GRIN2C: variants seen among roughly 807,000 people sequenced by gnomAD.
GRIN2C encodes glutamate ionotropic receptor NMDA type subunit 2C.
GRIN2C carries 64 observed loss-of-function variants against 77.7 expected under a neutral mutation model. The observed-to-expected ratio is 0.82, with a 90% CI of 0.67 to 1.01. The LOEUF is 1.01. Ranked by LOEUF, GRIN2C falls within the 50% of genes least tolerant of loss-of-function variation. The probability of loss-of-function intolerance (pLI) is 0.00; values close to 1 mark genes in which losing one functional copy is unlikely to be tolerated. For missense variants in GRIN2C, 1,549 were observed against 1,486.0 expected, an observed-to-expected ratio of 1.04 and a Z score of -0.70; for synonymous variants, 792 against 643.4, an observed-to-expected ratio of 1.23 and a Z score of -3.49.
rs941437390 is a variant in GRIN2C, at chr17:74,846,561, T to G, written c.2162+199A>C. ...CCTCAGGCTGAGGCTGAACTTTGAT[T>G]GGCACCACAGCTGTGTTCTGAGACA... is the stretch of plus-strand genomic sequence containing the variant. On this transcript the variant is annotated intron_variant, in intron 10 of 12. Transcript: ENST00000293190. This position sits in a 1 kb window ranked among gnomAD's most constrained non-coding sequence, Gnocchi z 4.4. 6.6e-6 allele frequency among the ~76,000 whole-genome samples: 1 copy of G among 151,514 alleles called. No individual in the cohort carries two copies. Among genetic ancestry groups the G allele is most frequent in the Non-Finnish European group, 1.5e-5 (1 of 67,690 alleles).
At chr17:74,860,028 TCCC>T (rs2037916484), upstream of GRIN2C, among the ~76,000 whole-genome samples, 1 of 133,416 alleles carries the variant, frequency 7.5e-6, no homozygotes, top group African/African-American at 2.7e-5. Context: ...CCACCCCCAC[TCCC>T]CCAAGCTGGG....
At position 74,846,734 on chromosome 17, in the gene GRIN2C, CAG is replaced by C; in HGVS notation, c.2162+24_2162+25del. ...CACTGGGGAGACACACGGATGAAGA[CAG>C]CGGGTGCAGGGCTGGGGACCCACCC... is the stretch of plus-strand genomic sequence containing the variant. On this transcript the variant is annotated intron_variant, in intron 10 of 12. Transcript: ENST00000293190. The surrounding 1 kb of genome is among the most constrained non-coding windows in gnomAD (Gnocchi z 4.4). 6.2e-7 allele frequency: 1 copy of C among 1,606,028 alleles called. No homozygotes were observed. The highest frequency in any genetic ancestry group is 8.5e-7 in the Non-Finnish European group (1 of 1,175,344).
rs1220448775 is a variant in GRIN2C, at chr17:74,850,939, G to A, written c.1114-172C>T. On this transcript the variant is annotated intron_variant, in intron 4 of 12. Coordinates refer to ENST00000293190, the MANE Select transcript of GRIN2C (RefSeq NM_000835.6). This position sits in a 1 kb window ranked among gnomAD's most constrained non-coding sequence, Gnocchi z 5.3. Reference sequence around the variant, plus strand: ...AGCCTCGGGTCCCTGTGTTCATACAGCTCCACACTGACCCACAGCATCTTC... The same window carrying A: ...AGCCTCGGGTCCCTGTGTTCATACAACTCCACACTGACCCACAGCATCTTC... 1 of 617,810 alleles carries A rather than the reference G, an allele frequency of 1.6e-6. No homozygotes were observed. Among genetic ancestry groups the A allele is most frequent in the Non-Finnish European group, 2.9e-6 (1 of 344,442 alleles). The allele number at this position is 617,810 out of a possible 1,614,324, so 38.3% of individuals were successfully genotyped here.
chr17:74,860,773 G>A (rs971686255), upstream of GRIN2C: 5 of 340,468 alleles, frequency 1.5e-5, no homozygotes, highest in Non-Finnish European at 2.9e-5. Flanking sequence ...CTCCCAGGTC[G>A]CAGGAAGGAG....
intron 1 of GRIN2C, 52 bp from the exon 2 acceptor site, chr17:74,855,159 G>A (rs2037786054): frequency 1.4e-6 from 2 of 1,418,216 alleles, no homozygotes; most frequent in Non-Finnish European, 1.9e-6. Flanking sequence ...TTTGGAGAGA[G>A]GCAGATGGAC....
Position 74,854,772 on chromosome 17 carries a change from G to T in GRIN2C, c.321C>A (p.Ile107=). The T allele has an allele frequency of 6.2e-7, 1 of 1,613,782 alleles. No individual in the cohort carries two copies. Among genetic ancestry groups the T allele is most frequent in the Non-Finnish European group, 8.5e-7 (1 of 1,179,718 alleles). Residue 107 remains isoleucine, a synonymous_variant, in exon 2 of 13, where the codon ATC becomes ATA. Coordinates refer to ENST00000293190, the MANE Select transcript of GRIN2C (RefSeq NM_000835.6). ...GGGTCTGGGAGGAGATGAAGTCAAGGATCTGGGCCACCGCCTCGGTGTCCA... is the reference window on the plus strand; with the variant it reads ...GGGTCTGGGAGGAGATGAAGTCAAGTATCTGGGCCACCGCCTCGGTGTCCA... The part of the protein sequence containing the change: ...DNVDTEAVAQ[I]LDFISSQTHV...
intron 2 of GRIN2C, 145 bp downstream of exon 2, chr17:74,854,549 C>T (rs1170910717): frequency 1.6e-6 from 1 of 631,276 alleles, no homozygotes; most frequent in Non-Finnish European, 2.8e-6. Context: ...ATTCCCATAA[C>T]CATCTCCCCA....
In GRIN2C at chr17:74,854,934, C is replaced by G; in HGVS notation, c.159G>C (p.Gln53His). The part of the protein sequence containing the change: ...QAQFRARLTP[Q>H]SFLDLPLEIQ... The stretch of plus-strand genomic sequence containing the variant: ...TCTCCAGGGGTAGGTCCAGGAAGCT[C>G]TGGGGGGTGAGGCGGGCACGGAACT... Residue 53 changes from glutamine (Q) to histidine (H), a missense_variant, in exon 2 of 13, where the codon CAG becomes CAC. Around this residue, in one of 3 missense-constraint regions of GRIN2C, gnomAD observed 382 missense variants for 360.0 expected, o/e 1.06. Transcript: ENST00000293190. 1 of 1,613,582 alleles carries G rather than the reference C, an allele frequency of 6.2e-7. No homozygotes were observed. The highest frequency in any genetic ancestry group is 1.1e-5 in the South Asian group (1 of 91,046).
At chr17:74,853,870 C>G (rs1463095933) in intron 2 of GRIN2C, 2 of 152,278 alleles carry the variant, frequency 1.3e-5, no homozygotes, top group Non-Finnish European at 1.5e-5. Flanking sequence ...AGGGCTAAGG[C>G]AGGCACAGAC....
rs748832140 is a variant in GRIN2C, at chr17:74,850,186, G to A, written c.1491+20C>T. The A allele has an allele frequency of 3.1e-6, 5 of 1,612,056 alleles. No individual in the cohort carries two copies. The Middle Eastern group carries it at 4.9e-4, about 160-fold the overall frequency. ...GGTGGGCAGGCAGGGCAGGTGAGGAGGGAGTGGGGTGGGGCCTACCTCCCC... is the reference window on the plus strand; with the variant it reads ...GGTGGGCAGGCAGGGCAGGTGAGGAAGGAGTGGGGTGGGGCCTACCTCCCC... On this transcript the variant is annotated intron_variant, in intron 6 of 12. Transcript: ENST00000293190. The surrounding 1 kb of genome is among the most constrained non-coding windows in gnomAD (Gnocchi z 5.3).
chr17:74,843,293 G>A lies in GRIN2C; in HGVS notation c.2844C>T (p.Thr948=), dbSNP rs367702091. 52 of 1,192,350 alleles carry A rather than the reference G, an allele frequency of 4.4e-5. No individual in the cohort carries two copies. The highest frequency in any genetic ancestry group is 5.7e-5 in the Non-Finnish European group (50 of 876,658). 73.9% of individuals were successfully genotyped at this position (1,192,350 alleles called of 1,614,324 possible). ...GGCTCGGCTCTGGGGGCGGGTCGGG[G>A]GTGGGCAGGCATGGGCTGGGGCCAG... ...PRSGPSPCLP[T]PDPPPEPSPT... The change falls in exon 13 of 13, where the codon ACC becomes ACT. Residue 948 remains threonine (T), a synonymous_variant. Coordinates refer to ENST00000293190, the MANE Select transcript of GRIN2C (RefSeq NM_000835.6).
chr17:74,842,235 G>A lies in GRIN2C; in HGVS notation c.*200C>T. On this transcript the variant is annotated 3_prime_UTR_variant, in exon 13 of 13. Coordinates refer to ENST00000293190, the MANE Select transcript of GRIN2C (RefSeq NM_000835.6). ...CTCCTGGCAGAACTCTGCGTGAGAA[G>A]AGGACAGCAAAAGCCCAGCCCTCAC... The A allele has an allele frequency of 1.8e-6, 1 of 545,698 alleles. No individual in the cohort carries two copies. Among genetic ancestry groups the A allele is most frequent in the Non-Finnish European group, 3.2e-6 (1 of 310,710 alleles). The allele number at this position is 545,698 out of a possible 1,614,324, so 33.8% of individuals were successfully genotyped here.
chr17:74,853,519 TTTA>T (rs1422552363), intron 2 of GRIN2C: 2 of 152,202 alleles, frequency 1.3e-5, no homozygotes, highest in Admixed American at 6.5e-5. Context: ...TGAAGGAGTT[TTTA>T]TTATTTTTTA....
Position 74,846,328 on chromosome 17 carries a change from G to T in GRIN2C, c.2163-75C>A. ...GACACCGAAACTGGGGCGTGACAGG[G>T]GTCTAAACCACATGAGCCTGCTGGG... On this transcript the variant is annotated intron_variant, in intron 10 of 12. Transcript: ENST00000293190. The surrounding 1 kb of genome is among the most constrained non-coding windows in gnomAD (Gnocchi z 4.4). 2 of 1,324,840 alleles carry T rather than the reference G, an allele frequency of 1.5e-6. No individual in the cohort carries two copies. The highest frequency in any genetic ancestry group is 2.1e-6 in the Non-Finnish European group (2 of 931,610). The allele number at this position is 1,324,840 out of a possible 1,614,324, so 82.1% of individuals were successfully genotyped here.
Position 74,842,182 on chromosome 17 carries a change from C to T in GRIN2C, c.*253G>A. ...TGGCTAGCCCCAGGGAAGGGAGAGC[C>T]TCAGGAGTCTGACCCCCACAGCACA... On this transcript the variant is annotated 3_prime_UTR_variant, in exon 13 of 13. Coordinates refer to ENST00000293190, the MANE Select transcript of GRIN2C (RefSeq NM_000835.6). 2.1e-6 allele frequency: 1 copy of T among 471,724 alleles called. No homozygotes were observed. Among genetic ancestry groups the T allele is most frequent in the Non-Finnish European group, 3.7e-6 (1 of 267,662 alleles). 29.2% of individuals were successfully genotyped at this position (471,724 alleles called of 1,614,324 possible).
chr17:74,846,979 GC>G lies in GRIN2C; in HGVS notation c.2002-60del, dbSNP rs1275029527. Reference sequence around the variant, plus strand: ...TTCCTCCAGCCTTCCAGGCACCAAAGCCCCAAACCCACCCCAGAGCCCAGCC... The same window carrying G: ...TTCCTCCAGCCTTCCAGGCACCAAAGCCCAAACCCACCCCAGAGCCCAGCC... On this transcript the variant is annotated intron_variant, in intron 9 of 12. Coordinates refer to ENST00000293190, the MANE Select transcript of GRIN2C (RefSeq NM_000835.6). This position sits in a 1 kb window ranked among gnomAD's most constrained non-coding sequence, Gnocchi z 4.4. The G allele has an allele frequency of 1.2e-5, 18 of 1,551,268 alleles. No homozygotes were observed. The highest frequency in any genetic ancestry group is 1.6e-5 in the Non-Finnish European group (18 of 1,144,250).
In GRIN2C at chr17:74,852,371, G is replaced by T; in HGVS notation, c.640C>A (p.Arg214Ser). Reference sequence around the variant, plus strand: ...GGCGCGTCGAGCTGGCGCAGCAGGCGCTGCGTGCGCGCGCGCGGCCCTCCC... The same window carrying T: ...GGCGCGTCGAGCTGGCGCAGCAGGCTCTGCGTGCGCGCGCGCGGCCCTCCC... ...GPGGPRARTQ[R>S]LLRQLDAPVF... Residue 214 changes from arginine (R) to serine (S), a missense_variant, in exon 3 of 13, where the codon CGC (arginine) becomes AGC (serine). Coordinates refer to ENST00000293190, the MANE Select transcript of GRIN2C (RefSeq NM_000835.6). 1 of 1,444,228 alleles carries T rather than the reference G, an allele frequency of 6.9e-7. No individual in the cohort carries two copies. Among genetic ancestry groups the T allele is most frequent in the African/African-American group, 1.5e-5 (1 of 67,032 alleles). 89.5% of individuals were successfully genotyped at this position (1,444,228 alleles called of 1,614,324 possible). A position where few individuals can be genotyped will look rare whatever the true frequency, so the allele number is the denominator to read the frequency against.
rs1598488551 is a variant in GRIN2C, at chr17:74,852,404, G to C, written c.607C>G (p.Leu203Val). 4 of 1,490,288 alleles carry C rather than the reference G, an allele frequency of 2.7e-6. No homozygotes were observed. In the East Asian group the frequency reaches 1.1e-4, roughly 41 times the overall value. 92.3% of individuals were successfully genotyped at this position (1,490,288 alleles called of 1,614,324 possible). ...CGCGCGCGCGGCCCTCCCGGGCCCA[G>C]CTCCAGCGTGACCACGTCCAGCAGC... ...WRLLDVVTLE[L>V]GPGGPRARTQ... The change falls in exon 3 of 13, where the codon CTG becomes GTG. Residue 203 changes from leucine to valine, a missense_variant. Transcript: ENST00000293190.
At position 74,844,038 on chromosome 17, in the gene GRIN2C, TAA is replaced by T. The variant is rs2037383590; in HGVS notation, c.2583+236_2583+237del. The T allele has an allele frequency of 1.4e-5, 11 of 775,874 alleles. No individual in the cohort carries two copies. In the South Asian group the frequency reaches 2.2e-4, roughly 15 times the overall value. 48.1% of individuals were successfully genotyped at this position (775,874 alleles called of 1,614,324 possible). ...GCAGGCGCGCACCACCACGCCCAGC[TAA>T]TTCTTTTATTTTCTGTAGAGATGGG... On this transcript the variant is annotated intron_variant, in intron 12 of 12. Coordinates refer to ENST00000293190, the MANE Select transcript of GRIN2C (RefSeq NM_000835.6).
Sources: gnomAD v4.1 joint callset for allele counts (sites outside exome capture counted in the v4.1 genomes callset) on GRCh38, gnomAD v4.1.1 for gene constraint, gnomAD v4.1.1 regional missense constraint, Gnocchi (gnomAD v3.1) non-coding constraint, MANE v1.5 for transcripts, NCBI Gene and HGNC (gene_info 2026-07-23, HGNC 2026-07-21) for gene names.